Variants in PLCB1 observed in about 807,000 individuals in gnomAD.
PLCB1 encodes the protein 1-phosphatidylinositol 4,5-bisphosphate phosphodiesterase beta-1.
A neutral mutation model predicts 161.8 loss-of-function variants in PLCB1; 46 were observed. That is an observed-to-expected ratio of 0.28 (90% CI 0.22 to 0.36). The LOEUF (loss-of-function observed/expected upper bound fraction) is 0.36, where lower values mean the gene tolerates loss of function less well. Among genes scored for constraint, PLCB1 ranks in the 10% least tolerant of loss-of-function variants. PLCB1 has a pLI of 1.00. For synonymous variants in PLCB1, 517 were observed against 503.7 expected, an observed-to-expected ratio of 1.03 and a Z score of -0.35; for missense variants, 1,016 against 1,472.5, an observed-to-expected ratio of 0.69 and a Z score of 5.07.
intron 3 of PLCB1, among the ~76,000 whole-genome samples, chr20:8,469,117 G>A (rs556188038): frequency 4.5e-4 from 68 of 152,260 alleles, no homozygotes; most frequent in Admixed American, 1.2e-3. Context: ...TGAAGAAAGC[G>A]TAAGCATCAG....
intron 1 of PLCB1, among the ~76,000 whole-genome samples, chr20:8,147,653 C>T (rs992786003): frequency 2.1e-4 from 32 of 152,084 alleles, no homozygotes; most frequent in Non-Finnish European, 8.8e-5. Context: ...CAAGTTCCAG[C>T]TGATCTTGGA....
chr20:8,176,504 G>A (rs2051785449), intron 2 of PLCB1, among the ~76,000 whole-genome samples: 1 of 152,304 alleles, frequency 6.6e-6, no homozygotes, highest in East Asian at 1.9e-4. Flanking sequence ...GAGGGAGGCT[G>A]CTGTAGTTAT....
At chr20:8,260,768 A>G (rs2123241453) in intron 2 of PLCB1, among the ~76,000 whole-genome samples, 1 of 152,260 alleles carries the variant, frequency 6.6e-6, no homozygotes, top group African/African-American at 2.4e-5. Flanking sequence ...AGTGTTGTTC[A>G]TGTCATCTAT....
intron 3 of PLCB1, among the ~76,000 whole-genome samples, chr20:8,500,471 G>A (rs767831239): frequency 3.9e-5 from 6 of 152,148 alleles, no homozygotes; most frequent in Admixed American, 2.6e-4. Context: ...ATTATGATAT[G>A]AGCAATGATG....
At chr20:8,548,162 CT>C (rs368404442) in intron 3 of PLCB1, among the ~76,000 whole-genome samples, 74 of 150,344 alleles carry the variant, frequency 4.9e-4, no homozygotes, top group African/African-American at 1.4e-3. Context: ...CTCTCTTTCT[CT>C]TTTTTTCCTT....
intron 3 of PLCB1, among the ~76,000 whole-genome samples, chr20:8,382,990 T>G (rs538312349): frequency 6.6e-6 from 1 of 152,360 alleles, no homozygotes; most frequent in East Asian, 1.9e-4. Context: ...CATGTGATAC[T>G]GAGAAGAATG....
At chr20:8,204,249 CT>C (rs1221617411) in intron 2 of PLCB1, among the ~76,000 whole-genome samples, 1 of 151,990 alleles carries the variant, frequency 6.6e-6, no homozygotes, top group East Asian at 1.9e-4. Context: ...TTATTAACAA[CT>C]AAATAATTGG....
At chr20:8,354,774 A>G (rs1202834105) in intron 2 of PLCB1, among the ~76,000 whole-genome samples, 1 of 152,182 alleles carries the variant, frequency 6.6e-6, no homozygotes, top group Non-Finnish European at 1.5e-5. Flanking sequence ...ACAGCATTAT[A>G]TGCTAGTACT....
At chr20:8,136,487 G>A (rs980955467) in intron 1 of PLCB1, among the ~76,000 whole-genome samples, 16 of 152,086 alleles carry the variant, frequency 1.1e-4, no homozygotes, top group South Asian at 2.1e-4. Flanking sequence ...TTAGCCGGGC[G>A]TGGTGGCGGG....
intron 3 of PLCB1, among the ~76,000 whole-genome samples, chr20:8,468,552 C>T (rs1159939950): frequency 2.0e-5 from 3 of 151,974 alleles, no homozygotes; most frequent in African/African-American, 4.8e-5. Flanking sequence ...AGTCACTTAC[C>T]ATCATACCTG....
chr20:8,519,683 C>T (rs1984276108), intron 3 of PLCB1, among the ~76,000 whole-genome samples: 1 of 152,132 alleles, frequency 6.6e-6, no homozygotes, highest in Non-Finnish European at 1.5e-5. Context: ...ACTTGAGAAA[C>T]ACACCAAAAT....
intron 3 of PLCB1, among the ~76,000 whole-genome samples, chr20:8,442,939 A>G (rs1207228697): frequency 6.6e-6 from 1 of 151,652 alleles, no homozygotes; most frequent in East Asian, 1.9e-4. Context: ...ATTGCATTTA[A>G]TGCTTTGATT....
intron 2 of PLCB1, among the ~76,000 whole-genome samples, chr20:8,225,701 C>A (rs1979646853): frequency 6.6e-6 from 1 of 152,182 alleles, no homozygotes; most frequent in African/African-American, 2.4e-5. Context: ...TGAAGAAATT[C>A]ATCACTGAGA....
At chr20:8,547,271 A>G (rs1600144394) in intron 3 of PLCB1, among the ~76,000 whole-genome samples, 1 of 152,132 alleles carries the variant, frequency 6.6e-6, no homozygotes, top group African/African-American at 2.4e-5. Flanking sequence ...AGACTTTGGG[A>G]CTACTGTTTT....
intron 3 of PLCB1, among the ~76,000 whole-genome samples, chr20:8,427,906 CT>C (rs1277456851): frequency 2.0e-5 from 3 of 152,154 alleles, no homozygotes; most frequent in African/African-American, 7.2e-5. Flanking sequence ...GAAACTATAT[CT>C]TGTGTAACAG....
At chr20:8,790,702 T>C (rs1197545147) in intron 31 of PLCB1, among the ~76,000 whole-genome samples, 2 of 152,158 alleles carry the variant, frequency 1.3e-5, no homozygotes, top group African/African-American at 4.8e-5. Flanking sequence ...TCTAGCAAAA[T>C]AGTCTCATAA....
intron 4 of PLCB1, among the ~76,000 whole-genome samples, chr20:8,643,046 C>T (rs1250196124): frequency 6.6e-6 from 1 of 152,160 alleles, no homozygotes; most frequent in African/African-American, 2.4e-5. Context: ...TCTTCTGTGT[C>T]GGCATAAAGC....
At chr20:8,192,256 T>C (rs1226175742) in intron 2 of PLCB1, among the ~76,000 whole-genome samples, 1 of 152,030 alleles carries the variant, frequency 6.6e-6, no homozygotes, top group Non-Finnish European at 1.5e-5. Context: ...TTTATACCTA[T>C]CTCATGTTTG....
intron 3 of PLCB1, among the ~76,000 whole-genome samples, chr20:8,529,270 C>T (rs1984702930): frequency 6.6e-6 from 1 of 151,964 alleles, no homozygotes; most frequent in Non-Finnish European, 1.5e-5. Context: ...CCTCTGTGTT[C>T]TTTACGGCAG....
Sources: allele counts gnomAD v4.1 joint callset (sites outside exome capture counted in the v4.1 genomes callset), GRCh38; gene constraint gnomAD v4.1.1; transcripts MANE v1.5; gene names NCBI Gene and HGNC (gene_info 2026-07-23, HGNC 2026-07-21).